Variants in NEBL observed in about 807,000 individuals in gnomAD.
NEBL encodes the protein nebulette.
A neutral mutation model predicts 140.2 loss-of-function variants in NEBL; 122 were observed. The ratio of observed to expected loss-of-function variants is 0.87; its 90% CI spans 0.75 to 1.01. The LOEUF (loss-of-function observed/expected upper bound fraction) is 1.01. Ranked by LOEUF, NEBL falls within the 50% of genes least tolerant of loss-of-function variation. NEBL has a pLI of 0.00. For missense variants in NEBL, 1,365 were observed against 1,231.3 expected, an observed-to-expected ratio of 1.11 and a Z score of -1.62; for synonymous variants, 436 against 398.9, an observed-to-expected ratio of 1.09 and a Z score of -1.11.
At chr10:21,183,496 G>C (rs1209047471) in intron 3 of NEBL, among the ~76,000 whole-genome samples, 5 of 152,126 alleles carry the variant, frequency 3.3e-5, no homozygotes, top group African/African-American at 1.2e-4. Flanking sequence ...GAGGCTGCAG[G>C]GTTTTCTGAG....
At chr10:20,888,328 C>T in intron 3 of NEBL, 121 bp from the exon 4 acceptor site, 2 of 689,728 alleles carry the variant, frequency 2.9e-6, no homozygotes, top group East Asian at 2.8e-5. Context: ...AATCTGCAGA[C>T]CATTTTAATT....
chr10:21,050,921 A>G (rs992773626), intron 2 of NEBL, among the ~76,000 whole-genome samples: 2 of 152,170 alleles, frequency 1.3e-5, no homozygotes, highest in African/African-American at 4.8e-5. Context: ...TGAGTCTTAC[A>G]CACCCTGTTT....
intron 2 of NEBL, among the ~76,000 whole-genome samples, chr10:21,140,864 T>C (rs1839596268): frequency 6.6e-6 from 1 of 151,826 alleles, no homozygotes; most frequent in Admixed American, 6.6e-5. Flanking sequence ...ACCTAGATGG[T>C]GGGTTGATAG....
intron 3 of NEBL, among the ~76,000 whole-genome samples, chr10:21,013,521 A>G (rs1838431585): frequency 1.3e-5 from 2 of 152,188 alleles, no homozygotes; most frequent in Non-Finnish European, 2.9e-5. Context: ...GCAGAACCCA[A>G]CAAAAACTGT....
chr10:21,183,018 G>A (rs1023273378), intron 3 of NEBL, among the ~76,000 whole-genome samples: 10 of 152,142 alleles, frequency 6.6e-5, no homozygotes, highest in Non-Finnish European at 1.5e-4. Context: ...ACAGAAAGCA[G>A]GTGGCATGAA....
chr10:21,125,717 C>G (rs1393978102), intron 2 of NEBL: 1 of 791,278 alleles, frequency 1.3e-6, no homozygotes, highest in East Asian at 2.5e-5. Context: ...TACAGAGCTG[C>G]CTTTGAAGTC....
At chr10:21,254,083 AT>A (rs1468144946) in intron 1 of NEBL, among the ~76,000 whole-genome samples, 1 of 152,208 alleles carries the variant, frequency 6.6e-6, no homozygotes, top group East Asian at 1.9e-4. Flanking sequence ...TTATGATAAT[AT>A]GGATGGATTT....
At chr10:20,887,550 C>T (rs1012672504) in intron 4 of NEBL, among the ~76,000 whole-genome samples, 2 of 151,176 alleles carry the variant, frequency 1.3e-5, no homozygotes, top group African/African-American at 2.4e-5. Context: ...TCCTGAGTAG[C>T]TGGCACCACA....
At chr10:21,155,444 C>T (rs532307898) in intron 2 of NEBL, among the ~76,000 whole-genome samples, 2 of 152,230 alleles carry the variant, frequency 1.3e-5, no homozygotes, top group African/African-American at 4.8e-5. Context: ...CTAACCTTCC[C>T]AGCTTCTGGT....
intron 3 of NEBL, among the ~76,000 whole-genome samples, chr10:21,237,680 C>A (rs183952001): frequency 3.3e-5 from 5 of 152,122 alleles, no homozygotes; most frequent in Non-Finnish European, 7.4e-5. Context: ...CATGTCAGCT[C>A]ACTGCAACCT....
intron 3 of NEBL, among the ~76,000 whole-genome samples, chr10:21,232,396 A>G (rs941366097): frequency 1.2e-4 from 18 of 152,208 alleles, no homozygotes; most frequent in Non-Finnish European, 1.5e-4. Flanking sequence ...GGATGATTCA[A>G]ACCCATTACA....
intron 3 of NEBL, among the ~76,000 whole-genome samples, chr10:20,981,667 C>T (rs533098709): frequency 3.4e-4 from 52 of 152,236 alleles, no homozygotes; most frequent in Non-Finnish European, 6.6e-4. Context: ...ACATGATATC[C>T]AGTCAGGGCC....
chr10:21,150,240 G>A (rs1840085310), intron 2 of NEBL, among the ~76,000 whole-genome samples: 1 of 152,174 alleles, frequency 6.6e-6, no homozygotes, highest in Non-Finnish European at 1.5e-5. Context: ...TGTGCGGCTT[G>A]CATCTTTTTT....
intron 1 of NEBL, among the ~76,000 whole-genome samples, chr10:21,288,850 A>ATATATATATATATATATATATAT (rs1554836851): frequency 2.3e-4 from 17 of 73,416 alleles, no homozygotes; most frequent in South Asian, 1.0e-3. Flanking sequence ...ATATATATAT[A>ATATATATATATATATATATATAT]AAAATTTTTT....
At chr10:20,856,278 A>G (rs936335866) in intron 9 of NEBL, among the ~76,000 whole-genome samples, 9 of 152,224 alleles carry the variant, frequency 5.9e-5, no homozygotes, top group African/African-American at 2.2e-4. Flanking sequence ...AACAATTTAT[A>G]TTAGACTGCG....
chr10:21,180,735 CT>C (rs958914399), intron 3 of NEBL, among the ~76,000 whole-genome samples: 1 of 152,120 alleles, frequency 6.6e-6, no homozygotes, highest in African/African-American at 2.4e-5. Flanking sequence ...CCAAAAAAAG[CT>C]CTTGAATCAT....
intron 2 of NEBL, among the ~76,000 whole-genome samples, chr10:21,091,544 A>G (rs973481838): frequency 2.6e-5 from 4 of 152,190 alleles, no homozygotes; most frequent in Non-Finnish European, 5.9e-5. Context: ...GTTTCCTCTG[A>G]AATTCTCCCA....
chr10:20,838,764 G>A (rs1588742212), intron 13 of NEBL, among the ~76,000 whole-genome samples: 1 of 152,100 alleles, frequency 6.6e-6, no homozygotes, highest in African/African-American at 2.4e-5. Context: ...TGATCAGTCG[G>A]CAGCCATCAA....
chr10:21,189,709 T>C (rs999085992), intron 3 of NEBL, among the ~76,000 whole-genome samples: 13 of 152,034 alleles, frequency 8.6e-5, no homozygotes, highest in Non-Finnish European at 7.4e-5. Context: ...CCTCGTGATC[T>C]GCCCACCTCG....
Sources: allele counts gnomAD v4.1 joint callset (sites outside exome capture counted in the v4.1 genomes callset), GRCh38; gene constraint gnomAD v4.1.1; transcripts MANE v1.5; gene names NCBI Gene and HGNC (gene_info 2026-07-23, HGNC 2026-07-21).